The following VRK3 variants were observed in gnomAD, a reference collection of about 807,000 sequenced individuals.
VRK3 encodes the protein serine/threonine-protein kinase VRK3.
In VRK3, 50 loss-of-function variants were observed where a neutral mutation model predicts 60.4. The ratio of observed to expected loss-of-function variants is 0.83; its 90% confidence interval spans 0.66 to 1.05. VRK3 has a LOEUF of 1.05. Ranked by LOEUF, VRK3 falls within the 50% of genes least tolerant of loss-of-function variation. The pLI is 0.00. For synonymous variants in VRK3, 246 were observed against 227.8 expected, an observed-to-expected ratio of 1.08 and a Z score of -0.72; for missense variants, 549 against 585.3, an observed-to-expected ratio of 0.94 and a Z score of 0.64.
At chr19:50,009,175 T>C in intron 4 of VRK3, 61 bp downstream of exon 4, 1 of 1,560,272 alleles carries the variant, frequency 6.4e-7, no homozygotes, top group Non-Finnish European at 8.7e-7. Flanking sequence ...GTCCCAAAGA[T>C]CATCAGATGA....
chr19:49,995,035 G>A, intron 8 of VRK3, 116 bp from the exon 9 acceptor site: 2 of 1,272,420 alleles, frequency 1.6e-6, no homozygotes, highest in Non-Finnish European at 2.2e-6. Context: ...TGAGATCAAA[G>A]GTTCTGACTG....
rs767827423 is a variant in VRK3 at position 49,988,517 on chromosome 19, C to A, written c.1097-25G>T. 3.1e-6 allele frequency: 5 copies of A among 1,608,334 alleles called. No homozygotes were observed. The South Asian group carries it at 3.3e-5, about 11-fold the overall frequency. On this transcript the variant is annotated intron_variant, in intron 11 of 14. Coordinates refer to ENST00000316763, the MANE Select transcript of VRK3 (RefSeq NM_016440.4). The stretch of plus-strand genomic sequence containing the variant: ...CCTGGGGAAGGAGGAGTAAAGGTGG[C>A]AGCTCAAGTCTGGACGCTCCACTCA...
At chr19:49,998,478 G>GAA (rs2076743721) in intron 6 of VRK3, 1 of 85,006 alleles carries the variant, frequency 1.2e-5, no homozygotes, top group Admixed American at 1.1e-4. Flanking sequence ...AGATTTTGTA[G>GAA]CAAAAAAAAA....
At chr19:50,015,808 G>A (rs552982811) in intron 3 of VRK3, 1 of 610,404 alleles carries the variant, frequency 1.6e-6, no homozygotes, top group African/African-American at 1.8e-5. Flanking sequence ...AGATAGAAAT[G>A]AAGGAGATGT....
intron 7 of VRK3, among the ~76,000 whole-genome samples, chr19:49,996,229 T>G (rs1302709590): frequency 6.6e-6 from 1 of 151,798 alleles, no homozygotes; most frequent in Non-Finnish European, 1.5e-5. Flanking sequence ...CTTTTTTTTT[T>G]GTATTTTCAA....
chr19:50,007,771 G>A lies in VRK3; in HGVS notation c.345C>T (p.Ser115=). 6.2e-7 allele frequency: 1 copy of A among 1,614,076 alleles called. No homozygotes were observed. The highest frequency in any genetic ancestry group is 8.5e-7 in the Non-Finnish European group (1 of 1,180,026). ...PKSSPQKTRK[S]PQVTRGSPQK... ...GAGGGCTACCCCTGGTCACCTGAGG[G>A]CTCTTCCTGGTCTTCTGAGGGCTGC... The change falls in exon 5 of 15, where the codon AGC becomes AGT. Residue 115 remains serine, a synonymous_variant. Coordinates refer to ENST00000316763, the MANE Select transcript of VRK3 (RefSeq NM_016440.4).
Position 49,989,771 on chromosome 19 carries a change from C to T in VRK3, c.964G>A (p.Val322Met). 1 of 1,609,416 alleles carries T rather than the reference C, an allele frequency of 6.2e-7. No individual in the cohort carries two copies. The highest frequency in any genetic ancestry group is 1.1e-5 in the South Asian group (1 of 90,430). Residue 322 changes from valine to methionine, a missense_variant and splice_region_variant, in exon 11 of 15, where the codon GTG (valine) becomes ATG (methionine). By Grantham distance (21) the Val-to-Met change is conservative. Transcript: ENST00000316763. Reference sequence around the variant, plus strand: ...GCGAAGCCATAGCCTGCCAAAGTCACCTGTGGACACAGGGAAAAGCCATAC... The same window carrying T: ...GCGAAGCCATAGCCTGCCAAAGTCATCTGTGGACACAGGGAAAAGCCATAC... Reference protein sequence around the residue: ...IFVDPEDQSQVTLAGYGFAFR... With the variant: ...IFVDPEDQSQMTLAGYGFAFR...
chr19:50,000,414 C>T (rs986627004), intron 6 of VRK3: 37 of 257,942 alleles, frequency 1.4e-4, no homozygotes, highest in Admixed American at 7.2e-4. Context: ...ACACCCAGCA[C>T]GGTGATACAC....
chr19:49,989,812 A>G (rs1298167440), intron 10 of VRK3, 41 bp from the exon 11 acceptor site: 1 of 1,540,790 alleles, frequency 6.5e-7, no homozygotes, highest in Non-Finnish European at 8.8e-7. Context: ...GGAGGTTAGG[A>G]GCGTAGAAGT....
rs8112804 is a variant in VRK3 at position 49,990,128 on chromosome 19, A to G, written c.964-357T>C. Among the ~76,000 whole-genome samples, 960 of 151,940 alleles carry G rather than the reference A, an allele frequency of 6.3e-3. 7 individuals are homozygous for G. The highest frequency in any genetic ancestry group is 0.021 in the African/African-American group (866 of 41,392). On this transcript the variant is annotated intron_variant, in intron 10 of 14. Transcript: ENST00000316763. ...ACCAGACCTCCTGTTGGGCACCGGC[A>G]CTTTACACTTTAATAGTGGTTCTGG...
intron 5 of VRK3, chr19:50,001,404 T>G (rs1481578383): frequency 6.5e-6 from 1 of 152,920 alleles, no homozygotes; most frequent in Non-Finnish European, 1.5e-5. Context: ...CATCCCAGGG[T>G]GACCCAGGTC....
chr19:50,004,367 T>C (rs1225814086), intron 5 of VRK3, among the ~76,000 whole-genome samples: 1 of 152,128 alleles, frequency 6.6e-6, no homozygotes. Context: ...CCTCCCTCTG[T>C]GCTCCTCGGC....
intron 6 of VRK3, 144 bp downstream of exon 6, chr19:50,000,646 C>T (rs954102176): frequency 1.2e-5 from 11 of 939,882 alleles, no homozygotes; most frequent in South Asian, 3.1e-5. Context: ...GCGCCTGCCC[C>T]GCCCACGGTC....
chr19:50,016,223 A>G, intron 2 of VRK3, 60 bp from the exon 3 acceptor site: 1 of 1,601,346 alleles, frequency 6.2e-7, no homozygotes, highest in Non-Finnish European at 8.5e-7. Context: ...CAGTGGAAGT[A>G]TTGTTGAACT....
intron 14 of VRK3, 24 bp downstream of exon 14, chr19:49,979,059 T>G (rs1012562417): frequency 6.3e-7 from 1 of 1,575,522 alleles, no homozygotes; most frequent in African/African-American, 1.4e-5. Flanking sequence ...GGTGAGAGGC[T>G]TAAGCCTCAC....
intron 3 of VRK3, among the ~76,000 whole-genome samples, chr19:50,010,692 C>G (rs2076981009): frequency 6.6e-6 from 1 of 152,196 alleles, no homozygotes; most frequent in African/African-American, 2.4e-5. Flanking sequence ...GCGGGTGGAT[C>G]GCCTGAGGTC....
At chr19:50,021,941 G>A (rs1401188458) in intron 1 of VRK3, among the ~76,000 whole-genome samples, 1 of 152,204 alleles carries the variant, frequency 6.6e-6, no homozygotes, top group African/African-American at 2.4e-5. Context: ...GAGGCTCAGA[G>A]AGCAAATGAC....
chr19:50,020,817 G>C (rs986077704), intron 1 of VRK3, among the ~76,000 whole-genome samples, 170 bp from the exon 2 acceptor site: 3 of 152,210 alleles, frequency 2.0e-5, no homozygotes, highest in Non-Finnish European at 2.9e-5. Flanking sequence ...CCAGCCACTA[G>C]GGAAACAGCA....
intron 5 of VRK3, among the ~76,000 whole-genome samples, chr19:50,006,398 C>T (rs190506436): frequency 0.018 from 2,662 of 150,216 alleles, 38 homozygotes; most frequent in Middle Eastern, 0.034. Context: ...TTTTTTGAGA[C>T]GGAGTCTCGC....
Sources: gnomAD v4.1 joint callset for allele counts (sites outside exome capture counted in the v4.1 genomes callset) on GRCh38, gnomAD v4.1.1 for gene constraint, MANE v1.5 for transcripts, NCBI Gene and HGNC (gene_info 2026-07-23, HGNC 2026-07-21) for gene names.